Variants in WWOX observed in about 807,000 individuals in gnomAD.
WWOX encodes the protein WW domain containing oxidoreductase.
In WWOX, 69 loss-of-function variants were observed where a neutral mutation model predicts 46.2. The ratio of observed to expected loss-of-function variants is 1.49; its 90% confidence interval spans 1.23 to 1.82. The LOEUF (loss-of-function observed/expected upper bound fraction) is 1.82, where lower values mean the gene tolerates loss of function less well. Ranked by LOEUF, WWOX falls within the 40% of genes most tolerant of loss-of-function variation. The pLI is 0.00. For missense variants in WWOX, 919 were observed against 542.6 expected (o/e 1.69, Z -6.89); for synonymous variants, 359 against 202.6 (o/e 1.77, Z -6.56).
At chr16:78,560,820 A>G (rs2044417943) in intron 8 of WWOX, among the ~76,000 whole-genome samples, 1 of 152,150 alleles carries the variant, frequency 6.6e-6, no homozygotes, top group Non-Finnish European at 1.5e-5. Context: ...AACAGGAGAA[A>G]ATTTTATTTG....
chr16:78,972,690 A>G (rs2046495627), intron 8 of WWOX, among the ~76,000 whole-genome samples: 1 of 152,200 alleles, frequency 6.6e-6, no homozygotes. Context: ...CTTCCAGCTC[A>G]GCTGCCTTCT....
intron 8 of WWOX, among the ~76,000 whole-genome samples, chr16:79,143,233 C>A (rs750091380): frequency 2.0e-5 from 3 of 152,190 alleles, no homozygotes; most frequent in East Asian, 1.9e-4. Flanking sequence ...CTGCTTCCCC[C>A]TCCTGGATGA....
At chr16:78,331,396 A>G (rs2080754249) in intron 5 of WWOX, among the ~76,000 whole-genome samples, 1 of 152,252 alleles carries the variant, frequency 6.6e-6, no homozygotes, top group African/African-American at 2.4e-5. Flanking sequence ...CAACCAGGTA[A>G]TAAACCAATT....
intron 8 of WWOX, among the ~76,000 whole-genome samples, chr16:78,837,513 C>T (rs547248230): frequency 6.6e-6 from 1 of 152,166 alleles, no homozygotes; most frequent in African/African-American, 2.4e-5. Context: ...TCACTCAAAG[C>T]CTGAACACTT....
At chr16:78,867,003 G>A (rs554054285) in intron 8 of WWOX, among the ~76,000 whole-genome samples, 1 of 152,292 alleles carries the variant, frequency 6.6e-6, no homozygotes, top group East Asian at 1.9e-4. Context: ...TGTCATAAAC[G>A]CTCCTATTGC....
intron 8 of WWOX, among the ~76,000 whole-genome samples, chr16:79,209,831 G>C (rs1349320037): frequency 2.6e-5 from 4 of 152,194 alleles, no homozygotes; most frequent in Admixed American, 1.3e-4. Context: ...AGATAAATGT[G>C]CCAGGTGCTA....
chr16:79,133,660 G>A (rs541509742), intron 8 of WWOX, among the ~76,000 whole-genome samples: 1 of 152,194 alleles, frequency 6.6e-6, no homozygotes, highest in South Asian at 2.1e-4. Context: ...TGCTGTCCTT[G>A]CCGGTGGCCT....
chr16:78,566,818 T>C (rs1185927353), intron 8 of WWOX, among the ~76,000 whole-genome samples: 2 of 152,150 alleles, frequency 1.3e-5, no homozygotes, highest in Admixed American at 6.5e-5. Context: ...TTTTGCACAT[T>C]GTTTGATTCA....
At chr16:78,620,150 T>C (rs1395154163) in intron 8 of WWOX, among the ~76,000 whole-genome samples, 1 of 152,016 alleles carries the variant, frequency 6.6e-6, no homozygotes, top group Non-Finnish European at 1.5e-5. Context: ...TAATGGTGAG[T>C]AGGATGAATA....
At chr16:78,690,040 T>C (rs1030109766) in intron 8 of WWOX, among the ~76,000 whole-genome samples, 17 of 152,150 alleles carry the variant, frequency 1.1e-4, no homozygotes, top group African/African-American at 4.1e-4. Context: ...TTTGTATTTT[T>C]AGTAGAGATG....
At chr16:78,199,670 C>T (rs543242337) in intron 5 of WWOX, among the ~76,000 whole-genome samples, 4 of 152,298 alleles carry the variant, frequency 2.6e-5, no homozygotes, top group East Asian at 1.9e-4. Flanking sequence ...TCTGAGCCTG[C>T]GTAGATGATC....
At chr16:79,092,082 C>T (rs967766218) in intron 8 of WWOX, among the ~76,000 whole-genome samples, 13 of 152,128 alleles carry the variant, frequency 8.5e-5, no homozygotes, top group Middle Eastern at 3.4e-3. Flanking sequence ...CACCGGGCCT[C>T]ACGTTTTTCT....
intron 8 of WWOX, among the ~76,000 whole-genome samples, chr16:78,524,762 A>T (rs1014122233): frequency 6.6e-6 from 1 of 150,514 alleles, no homozygotes; most frequent in African/African-American, 2.4e-5. Flanking sequence ...ATTGTGATAA[A>T]TAATATTTAA....
At chr16:78,192,284 C>T (rs1470921605) in intron 5 of WWOX, among the ~76,000 whole-genome samples, 1 of 152,044 alleles carries the variant, frequency 6.6e-6, no homozygotes, top group Non-Finnish European at 1.5e-5. Context: ...CACATGAGGT[C>T]AGGAATTCGA....
intron 8 of WWOX, among the ~76,000 whole-genome samples, chr16:79,095,090 AG>A: frequency 6.6e-6 from 1 of 152,292 alleles, no homozygotes; most frequent in South Asian, 2.1e-4. Flanking sequence ...TCTCTGCCCC[AG>A]CCCCGTTCTA....
intron 8 of WWOX, among the ~76,000 whole-genome samples, chr16:78,687,143 C>G (rs929158926): frequency 2.0e-5 from 3 of 152,008 alleles, no homozygotes; most frequent in African/African-American, 7.2e-5. Flanking sequence ...CATTGAATAA[C>G]CACCCAAATT....
intron 8 of WWOX, among the ~76,000 whole-genome samples, chr16:79,099,894 A>C (rs1448291531): frequency 2.6e-5 from 4 of 152,204 alleles, no homozygotes; most frequent in Non-Finnish European, 4.4e-5. Context: ...CTTATGCAAT[A>C]GTAGGGTTGC....
At chr16:78,289,865 A>G (rs1336024587) in intron 5 of WWOX, among the ~76,000 whole-genome samples, 1 of 138,064 alleles carries the variant, frequency 7.2e-6, no homozygotes, top group African/African-American at 2.8e-5. Context: ...TTACTGGCCT[A>G]CAGTGTCAGT....
chr16:78,825,076 A>G (rs549906222), intron 8 of WWOX, among the ~76,000 whole-genome samples: 77 of 152,140 alleles, frequency 5.1e-4, no homozygotes, highest in Non-Finnish European at 8.4e-4. Flanking sequence ...ATACTCATGA[A>G]CAACTCCACT....
Sources: gnomAD v4.1 joint callset for allele counts (sites outside exome capture counted in the v4.1 genomes callset) on GRCh38, gnomAD v4.1.1 for gene constraint, MANE v1.5 for transcripts, NCBI Gene and HGNC (gene_info 2026-07-23, HGNC 2026-07-21) for gene names.